Variants in PCDH11X observed in about 807,000 individuals in gnomAD.
PCDH11X encodes the protein protocadherin-11 X-linked.
In PCDH11X, 18 loss-of-function variants were observed where a neutral mutation model predicts 53.3. That is an observed-to-expected ratio of 0.34 (90% CI 0.23 to 0.50). PCDH11X has a LOEUF of 0.50. Among genes scored for constraint, PCDH11X ranks in the 20% least tolerant of loss-of-function variants. The pLI is 0.98. For missense variants in PCDH11X, 570 were observed against 1,032.4 expected (o/e 0.55, Z 6.14); for synonymous variants, 279 against 393.3 (o/e 0.71, Z 3.44).
Position 91,892,413 on chromosome X carries a change from A to G in PCDH11X, c.3033+13140A>G, listed in dbSNP as rs1478500722. ...AAGCTTCTCTTTCCTCATTGCACAT[A>G]GAATAAAGCCTCAATTTTTATATTT... On this transcript the variant is annotated intron_variant, in intron 6 of 10. Coordinates refer to ENST00000682573, the MANE Select transcript of PCDH11X (RefSeq NM_032968.5). Among the ~76,000 whole-genome samples, 6 of 109,078 alleles carry G rather than the reference A, an allele frequency of 5.5e-5. No individual in the cohort carries two copies. The South Asian group carries it at 2.1e-3, about 37-fold the overall frequency. 94.7% of individuals were successfully genotyped at this position (109,078 alleles called of 115,157 possible). A position where few individuals can be genotyped will look rare whatever the true frequency, so the allele number is the denominator to read the frequency against.
chrX:92,616,092 G>GA (rs1258597070), intron 10 of PCDH11X, among the ~76,000 whole-genome samples: 1 of 11,120 alleles, frequency 9.0e-5, no homozygotes, highest in African/African-American at 4.0e-4. Flanking sequence ...AGTCATCTTG[G>GA]AAAAAAAATC....
At chrX:92,066,774 A>T (rs552765587) in intron 6 of PCDH11X, among the ~76,000 whole-genome samples, 5 of 112,437 alleles carry the variant, frequency 4.4e-5, no homozygotes, top group African/African-American at 1.6e-4. Flanking sequence ...GATCGTTATC[A>T]ACTGCAAAGA....
At chrX:92,317,202 G>A (rs2069098774) in intron 8 of PCDH11X, among the ~76,000 whole-genome samples, 1 of 66,574 alleles carries the variant, frequency 1.5e-5, no homozygotes, top group Admixed American at 2.7e-4. Flanking sequence ...AGTAACATTT[G>A]CATTCAATTT....
intron 10 of PCDH11X, among the ~76,000 whole-genome samples, chrX:92,474,993 G>A (rs6619046): frequency 0.21 from 21,143 of 100,835 alleles, 2,211 homozygotes; most frequent in East Asian, 0.48. Flanking sequence ...GTGAAACCCC[G>A]TCTCTACTAA....
chrX:92,014,728 C>G (rs1479736585), intron 6 of PCDH11X, among the ~76,000 whole-genome samples: 1 of 111,822 alleles, frequency 8.9e-6, no homozygotes, highest in East Asian at 2.8e-4. Flanking sequence ...AGCTTATGTC[C>G]TTTGTAGGGA....
intron 6 of PCDH11X, among the ~76,000 whole-genome samples, chrX:92,003,500 G>T (rs1285960437): frequency 9.3e-6 from 1 of 107,710 alleles, no homozygotes; most frequent in African/African-American, 3.4e-5. Context: ...TTTAGTCATG[G>T]GGTCCCAGGC....
chrX:92,577,153 A>G (rs1402702195), intron 10 of PCDH11X, among the ~76,000 whole-genome samples: 1 of 110,093 alleles, frequency 9.1e-6, no homozygotes, highest in Non-Finnish European at 1.9e-5. Flanking sequence ...GGTAGAATTC[A>G]GCTGTAAATC....
intron 6 of PCDH11X, among the ~76,000 whole-genome samples, chrX:91,902,525 T>A (rs1940994191): frequency 9.6e-6 from 1 of 104,220 alleles, no homozygotes; most frequent in Non-Finnish European, 2.0e-5. Context: ...TAGAGTTATA[T>A]CCTCAGCCTG....
Position 92,058,722 on chromosome X carries a change from T to C in PCDH11X, c.3034-142653T>C, listed in dbSNP as rs190848580. On this transcript the variant is annotated intron_variant, in intron 6 of 10. Coordinates refer to ENST00000682573, the MANE Select transcript of PCDH11X (RefSeq NM_032968.5). Reference sequence around the variant, plus strand: ...GTATTTCATAATTCCAGTGCAGTAATGCATGTGTGTTTATGTTGATAAATG... The same window carrying C: ...GTATTTCATAATTCCAGTGCAGTAACGCATGTGTGTTTATGTTGATAAATG... Among the ~76,000 whole-genome samples, 170 of 110,235 alleles carry C rather than the reference T, an allele frequency of 1.5e-3. 2 individuals are homozygous for C. The highest frequency in any genetic ancestry group is 5.2e-3 in the African/African-American group (160 of 30,515).
chrX:92,542,497 T>G (rs1367782514), intron 10 of PCDH11X, among the ~76,000 whole-genome samples: 1 of 110,860 alleles, frequency 9.0e-6, no homozygotes, highest in African/African-American at 3.3e-5. Flanking sequence ...AATAAAATTA[T>G]AATAAAACCA....
At chrX:92,363,267 G>C (rs1278617840) in intron 8 of PCDH11X, among the ~76,000 whole-genome samples, 70 of 110,833 alleles carry the variant, frequency 6.3e-4, no homozygotes, top group Non-Finnish European at 1.2e-3. Context: ...ACAATATTAA[G>C]TATTCTAATC....
rs925253659 is a variant in PCDH11X, at chrX:92,000,562, C to T, written c.3033+121289C>T. On this transcript the variant is annotated intron_variant, in intron 6 of 10. Transcript: ENST00000682573. ...GTATCCATCCCCTCAAGCACTTATC[C>T]TTCAAGTTACAAACAATCCAATTAA... Among the ~76,000 whole-genome samples the T allele has an allele frequency of 1.1e-3, 116 of 106,707 alleles. 2 individuals carry two copies. Among genetic ancestry groups the T allele is most frequent in the Non-Finnish European group, 3.7e-4 (19 of 51,636 alleles). The allele number at this position is 106,707 out of a possible 115,157, so 92.7% of individuals were successfully genotyped here. A position where few individuals can be genotyped will look rare whatever the true frequency, so the allele number is the denominator to read the frequency against.
chrX:91,902,173 T>A (rs1332802710), intron 6 of PCDH11X, among the ~76,000 whole-genome samples: 1 of 111,069 alleles, frequency 9.0e-6, no homozygotes, highest in East Asian at 2.9e-4. Flanking sequence ...GTGTTTCTCA[T>A]GTGTCCTGCT....
At chrX:92,206,965 A>T (rs1238834731) in intron 7 of PCDH11X, among the ~76,000 whole-genome samples, 1 of 111,959 alleles carries the variant, frequency 8.9e-6, no homozygotes, top group African/African-American at 3.2e-5. Flanking sequence ...TCTTTGAGTA[A>T]AGAAAATCAA....
chrX:91,877,477 A>G lies in PCDH11X; in HGVS notation c.1237A>G (p.Ser413Gly). 2 of 1,211,765 alleles carry G rather than the reference A, an allele frequency of 1.7e-6. No homozygotes were observed. The highest frequency in any genetic ancestry group is 2.2e-6 in the Non-Finnish European group (2 of 895,483). The change falls in exon 6 of 11, where the codon AGT (serine) becomes GGT (glycine). Residue 413 changes from serine to glycine, a missense_variant. Coordinates refer to ENST00000682573, the MANE Select transcript of PCDH11X (RefSeq NM_032968.5). ...EIPFRLRPVFSNQFLLETAAY... is the reference protein window; with the variant it reads ...EIPFRLRPVFGNQFLLETAAY... ...CCCTTTCAGATTAAGGCCAGTATTC[A>G]GTAATCAGTTCCTCCTGGAGACTGC...
At chrX:91,963,701 G>T (rs2061825138) in intron 6 of PCDH11X, among the ~76,000 whole-genome samples, 1 of 111,313 alleles carries the variant, frequency 9.0e-6, no homozygotes, top group Non-Finnish European at 1.9e-5. Flanking sequence ...GTATTAGTCT[G>T]TTCTCACACT....
chrX:92,231,209 AT>A (rs755795343), intron 7 of PCDH11X, among the ~76,000 whole-genome samples: 1 of 111,210 alleles, frequency 9.0e-6, no homozygotes, highest in African/African-American at 3.3e-5. Flanking sequence ...AGATGGGAAT[AT>A]TTTTTTGGTT....
chrX:92,021,839 G>A (rs1354986137), intron 6 of PCDH11X, among the ~76,000 whole-genome samples: 3 of 109,232 alleles, frequency 2.7e-5, no homozygotes, highest in Non-Finnish European at 5.7e-5. Context: ...AAACCCTACA[G>A]GCCAGAAGAG....
intron 6 of PCDH11X, among the ~76,000 whole-genome samples, chrX:92,128,466 C>T (rs1480617533): frequency 2.8e-5 from 3 of 107,129 alleles, no homozygotes; most frequent in South Asian, 4.3e-4. Flanking sequence ...GACACGATCT[C>T]GGCTCACTGC....
Sources: gnomAD v4.1 joint callset for allele counts (sites outside exome capture counted in the v4.1 genomes callset) on GRCh38, gnomAD v4.1.1 for gene constraint, MANE v1.5 for transcripts, NCBI Gene and HGNC (gene_info 2026-07-23, HGNC 2026-07-21) for gene names.